Variants in KHDRBS2 observed in about 807,000 individuals in gnomAD.
The protein encoded by KHDRBS2 is KH domain-containing, RNA-binding, signal transduction-associated protein 2.
Under a neutral mutation model 44.3 loss-of-function variants are expected in KHDRBS2, and 26 were observed. That is an observed-to-expected ratio of 0.59 (90% CI 0.43 to 0.81). The LOEUF is 0.81. KHDRBS2 is among the 40% of genes least tolerant of loss of function. The pLI, the probability that KHDRBS2 is intolerant of heterozygous loss-of-function variation, is 0.00. For missense variants in KHDRBS2, 476 were observed against 433.1 expected (o/e 1.10, Z -0.88); for synonymous variants, 194 against 151.1 (o/e 1.28, Z -2.08).
Position 62,250,279 on chromosome 6 carries a change from T to C in KHDRBS2, c.91+35579A>G, listed in dbSNP as rs531555406. Among the ~76,000 whole-genome samples the C allele has an allele frequency of 2.0e-3, 305 of 152,250 alleles. 2 individuals are homozygous for C. The highest frequency in any genetic ancestry group is 3.7e-3 in the Non-Finnish European group (254 of 67,992). On this transcript the variant is annotated intron_variant, in intron 1 of 8. Transcript: ENST00000281156. Reference sequence around the variant, plus strand: ...ACATACATAACATTATCTCTTGATATTTCCTGTAAATAATACCATAAAATG... The same window carrying C: ...ACATACATAACATTATCTCTTGATACTTCCTGTAAATAATACCATAAAATG...
At chr6:61,612,839 C>CTTTTTTT in the KHDRBS2 span, among the ~76,000 whole-genome samples, 6 of 77,434 alleles carry the variant, frequency 7.7e-5, 1 homozygote, top group African/African-American at 3.2e-4. Context: ...AAAATGCAGC[C>CTTTTTTT]TTTTTTTTTT....
intron 2 of KHDRBS2, among the ~76,000 whole-genome samples, chr6:62,068,217 T>C (rs1416084730): frequency 3.3e-5 from 5 of 151,608 alleles, no homozygotes; most frequent in African/African-American, 1.2e-4. Context: ...TGTTTTTGGA[T>C]TGTAATCATC....
At chr6:61,991,115 T>C (rs568051026) in intron 3 of KHDRBS2, among the ~76,000 whole-genome samples, 3 of 152,204 alleles carry the variant, frequency 2.0e-5, no homozygotes, top group Non-Finnish European at 4.4e-5. Flanking sequence ...TTTTCCACTA[T>C]AAAATATGAT....
At chr6:61,829,216 C>G (rs2127260251) in intron 6 of KHDRBS2, among the ~76,000 whole-genome samples, 1 of 152,302 alleles carries the variant, frequency 6.6e-6, no homozygotes, top group Admixed American at 6.5e-5. Flanking sequence ...GGTTGGAGTG[C>G]AGTGGTGCAA....
intron 3 of KHDRBS2, among the ~76,000 whole-genome samples, chr6:62,026,954 A>G (rs544642650): frequency 3.3e-5 from 5 of 151,030 alleles, no homozygotes. Context: ...TGTAGTTTCA[A>G]GTTTTGAATT....
intron 1 of KHDRBS2, among the ~76,000 whole-genome samples, chr6:62,200,938 G>T (rs143607990): frequency 0.016 from 2,436 of 152,104 alleles, 61 homozygotes; most frequent in African/African-American, 0.054. Context: ...CTTTGTAGGG[G>T]CATGGATGAA....
chr6:61,995,019 A>C (rs1186301988), intron 3 of KHDRBS2, among the ~76,000 whole-genome samples: 1 of 152,166 alleles, frequency 6.6e-6, no homozygotes. Context: ...AAATGGAAGC[A>C]AATAAGGTTT....
At chr6:61,736,408 A>G (rs189828448) in intron 6 of KHDRBS2, among the ~76,000 whole-genome samples, 3 of 152,080 alleles carry the variant, frequency 2.0e-5, no homozygotes, top group Non-Finnish European at 4.4e-5. Flanking sequence ...CCAGCACTCT[A>G]TCTTGAGGAT....
At chr6:62,137,310 T>A (rs1223526336) in intron 2 of KHDRBS2, among the ~76,000 whole-genome samples, 5 of 152,104 alleles carry the variant, frequency 3.3e-5, no homozygotes, top group Non-Finnish European at 7.4e-5. Context: ...TCAGCTTTTT[T>A]TCTTAAATCA....
chr6:61,551,776 A>C, the KHDRBS2 span, among the ~76,000 whole-genome samples: 1 of 152,138 alleles, frequency 6.6e-6, no homozygotes, highest in Non-Finnish European at 1.5e-5. Context: ...CTTGTAATAT[A>C]GTTTGAAATT....
chr6:61,984,163 C>T (rs1774558162), intron 3 of KHDRBS2, among the ~76,000 whole-genome samples: 1 of 152,128 alleles, frequency 6.6e-6, no homozygotes, highest in Admixed American at 6.6e-5. Context: ...ACAGCCATAC[C>T]ACTTCTGTTC....
At chr6:61,564,590 A>G in the KHDRBS2 span, among the ~76,000 whole-genome samples, 2 of 152,134 alleles carry the variant, frequency 1.3e-5, no homozygotes, top group Admixed American at 6.5e-5. Context: ...TGAGGATAGT[A>G]TCAATATCCG....
At chr6:62,094,924 C>G (rs1800249771) in intron 2 of KHDRBS2, among the ~76,000 whole-genome samples, 1 of 151,812 alleles carries the variant, frequency 6.6e-6, no homozygotes, top group Admixed American at 6.6e-5. Flanking sequence ...GTCTATGTTT[C>G]TGTTTTTATG....
intron 6 of KHDRBS2, among the ~76,000 whole-genome samples, chr6:61,774,060 T>A (rs1260133501): frequency 6.6e-6 from 1 of 152,162 alleles, no homozygotes; most frequent in Non-Finnish European, 1.5e-5. Context: ...TGTAGTATAG[T>A]TTGAAGTCAG....
At chr6:61,956,410 A>T (rs1409166396) in intron 4 of KHDRBS2, among the ~76,000 whole-genome samples, 3 of 152,044 alleles carry the variant, frequency 2.0e-5, no homozygotes, top group African/African-American at 7.2e-5. Context: ...AAGACAAAAC[A>T]TTTTTTTCTC....
intron 4 of KHDRBS2, among the ~76,000 whole-genome samples, chr6:61,911,170 C>G (rs1805984945): frequency 6.6e-6 from 1 of 152,110 alleles, no homozygotes; most frequent in Non-Finnish European, 1.5e-5. Context: ...TACCAATAAC[C>G]TAGGAATTCT....
At chr6:61,814,883 C>T (rs1370677562) in intron 6 of KHDRBS2, among the ~76,000 whole-genome samples, 2 of 151,898 alleles carry the variant, frequency 1.3e-5, no homozygotes, top group Non-Finnish European at 2.9e-5. Flanking sequence ...TGCAGGTTAA[C>T]TAAACTTGAG....
At chr6:62,210,757 C>T (rs1409417463) in intron 1 of KHDRBS2, among the ~76,000 whole-genome samples, 1 of 151,996 alleles carries the variant, frequency 6.6e-6, no homozygotes, top group East Asian at 1.9e-4. Flanking sequence ...AATTAACACT[C>T]TGATTCAATA....
intron 2 of KHDRBS2, among the ~76,000 whole-genome samples, chr6:62,058,260 G>T (rs767409992): frequency 6.6e-6 from 1 of 151,852 alleles, no homozygotes; most frequent in Non-Finnish European, 1.5e-5. Context: ...TTCCTGAACA[G>T]CCAATCTCTC....
Sources: gnomAD v4.1 joint callset for allele counts (sites outside exome capture counted in the v4.1 genomes callset) on GRCh38, gnomAD v4.1.1 for gene constraint, MANE v1.5 for transcripts, NCBI Gene and HGNC (gene_info 2026-07-23, HGNC 2026-07-21) for gene names.